DKK3: variants seen among roughly 807,000 people sequenced by gnomAD.
DKK3 encodes the protein dickkopf-related protein 3.
Under a neutral mutation model 33.2 loss-of-function variants are expected in DKK3, and 22 were observed. That is an observed-to-expected ratio of 0.66 (90% CI 0.47 to 0.95). DKK3 has a LOEUF of 0.95. DKK3 is among the 40% of genes least tolerant of loss of function. DKK3 has a pLI of 0.00. For missense variants in DKK3, 398 were observed against 458.4 expected, an observed-to-expected ratio of 0.87 and a Z score of 1.20; for synonymous variants, 194 against 188.8, an observed-to-expected ratio of 1.03 and a Z score of -0.23.
intron 3 of DKK3, among the ~76,000 whole-genome samples, chr11:11,981,445 C>T (rs1416160592): frequency 2.6e-5 from 4 of 152,216 alleles, no homozygotes; most frequent in African/African-American, 9.6e-5. Context: ...TCCTAACCCA[C>T]AGAATCCAGG....
At chr11:11,991,592 C>CCT (rs375438128) in intron 3 of DKK3, among the ~76,000 whole-genome samples, 1,597 of 150,818 alleles carry the variant, frequency 0.011, 30 homozygotes, top group African/African-American at 0.036. Flanking sequence ...TGGCACCTCT[C>CCT]CTCTCTCTCT....
rs1467128989 is a variant in DKK3, at chr11:11,965,902, C to G, written c.737G>C (p.Ser246Thr). 1.9e-6 allele frequency: 3 copies of G among 1,614,144 alleles called. No homozygotes were observed. The highest frequency in any genetic ancestry group is 2.5e-6 in the Non-Finnish European group (3 of 1,180,042). ...VEGELCHDPA[S>T]RLLDLITWEL... ...CCAGGTGATGAGGTCCAGAAGCCGG[C>G]TGGCGGGGTCATGGCAAAGCTCGCC... is the stretch of plus-strand genomic sequence containing the variant. The change falls in exon 6 of 7, where the codon AGC (serine) becomes ACC (threonine). Residue 246 changes from serine to threonine, a missense_variant. Coordinates refer to ENST00000683431, the MANE Select transcript of DKK3 (RefSeq NM_001018057.2).
intron 3 of DKK3, among the ~76,000 whole-genome samples, chr11:11,969,632 G>C (rs899651016): frequency 4.0e-5 from 6 of 151,490 alleles, no homozygotes; most frequent in African/African-American, 1.5e-4. Flanking sequence ...GAAGGGTCTT[G>C]AGGAAGGGAA....
At chr11:11,981,717 G>A (rs1287069268) in intron 3 of DKK3, among the ~76,000 whole-genome samples, 1 of 152,094 alleles carries the variant, frequency 6.6e-6, no homozygotes, top group Non-Finnish European at 1.5e-5. Flanking sequence ...AAAAAGGCCT[G>A]TCTCATATCC....
chr11:11,995,833 T>C (rs11601753), intron 3 of DKK3, among the ~76,000 whole-genome samples: 25,123 of 152,270 alleles, frequency 0.16, 2,333 homozygotes, highest in Admixed American at 0.28. Flanking sequence ...CATCAGCCGA[T>C]GTGCTCAGGT....
At chr11:11,971,750 G>A (rs1321925161) in intron 3 of DKK3, among the ~76,000 whole-genome samples, 1 of 152,086 alleles carries the variant, frequency 6.6e-6, no homozygotes, top group African/African-American at 2.4e-5. Flanking sequence ...TTCATCCTTA[G>A]GAATATCTTC....
At chr11:11,984,414 A>G (rs1020982251) in intron 3 of DKK3, among the ~76,000 whole-genome samples, 6 of 146,804 alleles carry the variant, frequency 4.1e-5, no homozygotes, top group Non-Finnish European at 9.0e-5. Flanking sequence ...AATATTTGTG[A>G]TTGCTATTGG....
At chr11:11,966,244 G>T (rs1275253167) in intron 5 of DKK3, among the ~76,000 whole-genome samples, 1 of 152,184 alleles carries the variant, frequency 6.6e-6, no homozygotes, top group Admixed American at 6.5e-5. Flanking sequence ...GGAGGCAAAG[G>T]CATTCAGGCA....
chr11:11,994,836 T>C lies in DKK3; in HGVS notation c.435+3860A>G, dbSNP rs528636314. 3.9e-5 allele frequency: 6 copies of C among 152,280 alleles called. No homozygotes were observed. In the East Asian group the frequency reaches 7.7e-4, roughly 20 times the overall value. The allele number at this position is 152,280 out of a possible 1,614,324, so 9.4% of individuals were successfully genotyped here. On this transcript the variant is annotated intron_variant, in intron 3 of 6. Transcript: ENST00000683431. ...GAGGTGATGGGTGCTCACTGCTCCA[T>C]GGGAAAAGACGGTCACGGCTTAACA...
upstream of DKK3, chr11:12,009,059 G>A (rs537042322): frequency 4.5e-5 from 44 of 986,258 alleles, no homozygotes; most frequent in South Asian, 1.6e-3. Context: ...CCAAGCACAG[G>A]TCAGCCCCCT....
intron 3 of DKK3, chr11:11,978,866 T>G (rs1375854663): frequency 6.6e-6 from 1 of 152,284 alleles, no homozygotes; most frequent in East Asian, 1.9e-4. Context: ...CTGTTACTAT[T>G]CCTTTCTATT....
chr11:11,997,385 T>C (rs1262930688), intron 3 of DKK3, among the ~76,000 whole-genome samples: 1 of 152,194 alleles, frequency 6.6e-6, no homozygotes, highest in Non-Finnish European at 1.5e-5. Context: ...ACCACTTCCC[T>C]CTAGGACCAT....
chr11:12,002,200 G>A, intron 2 of DKK3, 100 bp downstream of exon 2: 1 of 1,251,958 alleles, frequency 8.0e-7, no homozygotes. Context: ...ATTGTAGTTT[G>A]GGCTTGTATA....
At chr11:11,968,334 CT>C in intron 4 of DKK3, 60 bp downstream of exon 4, 3 of 1,515,336 alleles carry the variant, frequency 2.0e-6, no homozygotes, top group Non-Finnish European at 2.7e-6. Context: ...GGGCCCCTGG[CT>C]TTCTCCCCCA....
intron 3 of DKK3, among the ~76,000 whole-genome samples, chr11:11,969,366 G>A (rs1038199087): frequency 1.3e-5 from 2 of 152,288 alleles, no homozygotes; most frequent in Non-Finnish European, 1.5e-5. Context: ...CCCTTTTGAG[G>A]TATCAGGCTT....
rs746164903 is a variant in DKK3 at position 11,964,518 on chromosome 11, C to T, written c.999G>A (p.Ala333=). The change falls in exon 7 of 7, where the codon GCG becomes GCA. Residue 333 remains alanine, a synonymous_variant. Coordinates refer to ENST00000683431, the MANE Select transcript of DKK3 (RefSeq NM_001018057.2). Reference sequence around the variant, plus strand: ...CGGCGGCAGCCGCAGGCTCCCTCAGCGCCATCTCTTCAGTCAGGCTCCTCT... The same window carrying T: ...CGGCGGCAGCCGCAGGCTCCCTCAGTGCCATCTCTTCAGTCAGGCTCCTCT... ...DLERSLTEEM[A]LREPAAAAAA... 1.7e-5 allele frequency: 28 copies of T among 1,613,778 alleles called. No homozygotes were observed. Among genetic ancestry groups the T allele is most frequent in the East Asian group, 2.2e-5 (1 of 44,896 alleles).
chr11:11,970,776 CA>C (rs1362856807), intron 3 of DKK3, among the ~76,000 whole-genome samples: 2 of 152,330 alleles, frequency 1.3e-5, no homozygotes, highest in East Asian at 1.9e-4. Flanking sequence ...GAAGGGGGGC[CA>C]GGGGCCAAGG....
intron 3 of DKK3, among the ~76,000 whole-genome samples, chr11:11,980,213 C>T (rs1046957336): frequency 2.0e-5 from 3 of 152,238 alleles, no homozygotes; most frequent in Admixed American, 2.0e-4. Context: ...GGGGTCCCCA[C>T]ATGGAAAGAG....
chr11:11,967,971 G>A (rs979306175), intron 4 of DKK3, among the ~76,000 whole-genome samples: 2 of 152,118 alleles, frequency 1.3e-5, no homozygotes, highest in Non-Finnish European at 2.9e-5. Flanking sequence ...TGTCTATTAG[G>A]ATGGGTCATC....
Sources: allele counts gnomAD v4.1 joint callset (sites outside exome capture counted in the v4.1 genomes callset), GRCh38; gene constraint gnomAD v4.1.1; transcripts MANE v1.5; gene names NCBI Gene and HGNC (gene_info 2026-07-23, HGNC 2026-07-21).